Variants in TYW1 observed in about 807,000 individuals in gnomAD.
TYW1 encodes the protein S-adenosyl-L-methionine-dependent tRNA 4-demethylwyosine synthase TYW1.
In TYW1, 46 loss-of-function variants were observed where a neutral mutation model predicts 96.2. That is an observed-to-expected ratio of 0.48 (90% CI 0.38 to 0.61). The LOEUF (loss-of-function observed/expected upper bound fraction) is 0.61. TYW1 is among the 20% of genes least tolerant of loss of function. The pLI is 0.00. For missense variants in TYW1, 684 were observed against 909.6 expected (o/e 0.75, Z 3.19); for synonymous variants, 274 against 323.0 (o/e 0.85, Z 1.63).
At chr7:67,097,858 AT>A (rs35746199) in intron 11 of TYW1, among the ~76,000 whole-genome samples, 39,222 of 140,204 alleles carry the variant, frequency 0.28, 5,548 homozygotes, top group African/African-American at 0.42. Flanking sequence ...ATGCCCAGCT[AT>A]TTTTTTTTTT....
chr7:67,216,603 T>C (rs1348938887), intron 15 of TYW1, among the ~76,000 whole-genome samples: 1 of 145,630 alleles, frequency 6.9e-6, no homozygotes, highest in Non-Finnish European at 1.5e-5. Context: ...GTTTCTTTCC[T>C]TCCTACTTTC....
chr7:67,141,862 G>A (rs1798460586), intron 13 of TYW1, among the ~76,000 whole-genome samples: 1 of 152,040 alleles, frequency 6.6e-6, no homozygotes, highest in African/African-American at 2.4e-5. Context: ...ATGGGGAGAC[G>A]CCCTCTCTAC....
At chr7:67,045,790 C>A (rs192627266) in intron 7 of TYW1, among the ~76,000 whole-genome samples, 2 of 152,216 alleles carry the variant, frequency 1.3e-5, no homozygotes, top group Non-Finnish European at 2.9e-5. Context: ...AGGTTGGAGA[C>A]AGGGAGGCCA....
At chr7:67,185,336 T>G (rs530696453) in intron 14 of TYW1, among the ~76,000 whole-genome samples, 20 of 151,752 alleles carry the variant, frequency 1.3e-4, no homozygotes, top group Admixed American at 7.2e-4. Flanking sequence ...CATGGCTTGG[T>G]TATAGAGGGC....
At chr7:67,191,405 G>C (rs1246157486) in intron 14 of TYW1, among the ~76,000 whole-genome samples, 3 of 152,036 alleles carry the variant, frequency 2.0e-5, no homozygotes, top group African/African-American at 7.3e-5. Flanking sequence ...CATTCTTGGG[G>C]TCTGCTTGTT....
At chr7:67,186,483 ATGTTT>A (rs766932501) in intron 14 of TYW1, among the ~76,000 whole-genome samples, 2 of 151,350 alleles carry the variant, frequency 1.3e-5, no homozygotes. Context: ...TATAGCTGAG[ATGTTT>A]TGTTTTGTTT....
chr7:67,030,967 G>A (rs1427549226), intron 7 of TYW1, among the ~76,000 whole-genome samples: 3 of 151,840 alleles, frequency 2.0e-5, no homozygotes, highest in East Asian at 3.9e-4. Flanking sequence ...TTGGGAGACC[G>A]AGGTGGGTGG....
chr7:67,137,541 A>G (rs761555481), intron 13 of TYW1, among the ~76,000 whole-genome samples: 1 of 152,232 alleles, frequency 6.6e-6, no homozygotes, highest in Non-Finnish European at 1.5e-5. Flanking sequence ...CCTAACAGGA[A>G]ACAATTCCAT....
At chr7:67,089,466 A>C in intron 11 of TYW1, 1 of 1,120,350 alleles carries the variant, frequency 8.9e-7, no homozygotes, top group Non-Finnish European at 1.3e-6. Flanking sequence ...GCCTTGAGAC[A>C]GGAATGCTCA....
In TYW1 at chr7:67,234,348, T is replaced by TA. The variant is rs57100190; in HGVS notation, c.1978-3942dup. The stretch of plus-strand genomic sequence containing the variant: ...GGTGACAGAGTGAGAACCTATCTCT[T>TA]AAAAAAAAAAAAAAAAAAGGAAGAA... On this transcript the variant is annotated intron_variant, in intron 15 of 15. Transcript: ENST00000359626. Among the ~76,000 whole-genome samples the TA allele has an allele frequency of 3.7e-3, 344 of 93,312 alleles. 6 individuals are homozygous for TA. The highest frequency in any genetic ancestry group is 0.01 in the African/African-American group (217 of 21,214). 61.2% of individuals were successfully genotyped at this position (93,312 alleles called of 152,430 possible).
intron 15 of TYW1, among the ~76,000 whole-genome samples, chr7:67,204,757 C>G (rs1800725429): frequency 6.6e-6 from 1 of 151,994 alleles, no homozygotes; most frequent in African/African-American, 2.4e-5. Context: ...CCATGCCCAG[C>G]TAATTTTCTC....
chr7:67,062,919 A>T lies in TYW1; in HGVS notation c.1156-4366A>T, dbSNP rs1406969871. On this transcript the variant is annotated intron_variant, in intron 9 of 15. Coordinates refer to ENST00000359626, the MANE Select transcript of TYW1 (RefSeq NM_018264.4). ...TACTTAATATCTTCCCCAAAATACA[A>T]GAGGTGGGGAACATTTCTGAACTCA... 2.6e-5 allele frequency among the ~76,000 whole-genome samples: 4 copies of T among 152,202 alleles called. No individual in the cohort carries two copies. In the South Asian group the frequency reaches 6.2e-4, roughly 24 times the overall value.
chr7:67,018,202 C>T lies in TYW1; in HGVS notation c.861+59C>T, dbSNP rs572685364. The T allele has an allele frequency of 3.8e-6, 6 of 1,565,470 alleles. No individual in the cohort carries two copies. In the African/African-American group the frequency reaches 5.4e-5, roughly 14 times the overall value. On this transcript the variant is annotated intron_variant, in intron 6 of 15. Transcript: ENST00000359626. ...TCCTCTTCTGCTTGGAGATCTCGAG[C>T]TTGACCTCTTTCTCAATAAACCATC...
intron 13 of TYW1, among the ~76,000 whole-genome samples, chr7:67,159,192 A>G (rs1385229163): frequency 6.6e-6 from 1 of 152,160 alleles, no homozygotes; most frequent in African/African-American, 2.4e-5. Flanking sequence ...AAATTGCTGC[A>G]TATTCATTAG....
At chr7:67,219,312 G>A (rs1801305733) in intron 15 of TYW1, among the ~76,000 whole-genome samples, 1 of 152,036 alleles carries the variant, frequency 6.6e-6, no homozygotes, top group South Asian at 2.1e-4. Context: ...GAGGATTTTT[G>A]TGTCAGTATT....
At position 67,239,476 on chromosome 7, in the gene TYW1, A is replaced by T. The variant is rs1204093967; in HGVS notation, c.*947A>T. On this transcript the variant is annotated 3_prime_UTR_variant, in exon 16 of 16. Transcript: ENST00000359626. Reference sequence around the variant, plus strand: ...TAGCAAGTTCTTTTAACAGTCTTTTATGCAAAAATTGAATTAATAAAATAA... The same window carrying T: ...TAGCAAGTTCTTTTAACAGTCTTTTTTGCAAAAATTGAATTAATAAAATAA... 6 of 876,096 alleles carry T rather than the reference A, an allele frequency of 6.8e-6. No individual in the cohort carries two copies. In the African/African-American group the frequency reaches 1.1e-4, roughly 16 times the overall value. The allele number at this position is 876,096 out of a possible 1,614,324, so 54.3% of individuals were successfully genotyped here.
intron 1 of TYW1, 80 bp downstream of exon 1, chr7:66,997,062 GC>G: frequency 1.3e-6 from 2 of 1,599,984 alleles, no homozygotes; most frequent in African/African-American, 2.7e-5. Context: ...GGGCGGAGTG[GC>G]GTCCTCGGTC....
At chr7:67,062,037 A>C (rs1171817494) in intron 9 of TYW1, among the ~76,000 whole-genome samples, 1 of 152,188 alleles carries the variant, frequency 6.6e-6, no homozygotes, top group Non-Finnish European at 1.5e-5. Context: ...TTTATGCACC[A>C]ATCAGTTTTT....
intron 14 of TYW1, among the ~76,000 whole-genome samples, chr7:67,193,850 GTT>G (rs1217690686): frequency 7.5e-6 from 1 of 132,550 alleles, no homozygotes; most frequent in African/African-American, 3.1e-5. Context: ...ATTTGTGTGT[GTT>G]TGTGTGTGTG....
Sources: gnomAD v4.1 joint callset for allele counts (sites outside exome capture counted in the v4.1 genomes callset) on GRCh38, gnomAD v4.1.1 for gene constraint, MANE v1.5 for transcripts, NCBI Gene and HGNC (gene_info 2026-07-23, HGNC 2026-07-21) for gene names.